Variants in SLC17A4 observed in about 807,000 individuals in gnomAD.
SLC17A4 encodes solute carrier family 17 member 4.
SLC17A4 carries 33 observed loss-of-function variants against 52.5 expected under a neutral mutation model. That is an observed-to-expected ratio of 0.63 (90% CI 0.48 to 0.84). The LOEUF (loss-of-function observed/expected upper bound fraction) is 0.84. Ranked by LOEUF, SLC17A4 falls within the 40% of genes least tolerant of loss-of-function variation. The pLI is 0.00. For missense variants in SLC17A4, 585 were observed against 597.1 expected (o/e 0.98, Z 0.21); for synonymous variants, 225 against 216.2 (o/e 1.04, Z -0.36).
chr6:25,771,727 G>A (rs1038127884), intron 6 of SLC17A4, among the ~76,000 whole-genome samples: 12 of 152,160 alleles, frequency 7.9e-5, no homozygotes, highest in African/African-American at 2.9e-4. Flanking sequence ...AGAAAATTGT[G>A]TGACTGTGAC....
At position 25,776,840 on chromosome 6, in the gene SLC17A4, G is replaced by T; in HGVS notation, c.1149G>T (p.Val383=). ...TTCTCTTCCCATCCGTGATCCTCGTGTCCCTGCCCTGGGTCAGATCCAGCC... is the reference window on the plus strand; with the variant it reads ...TTCTCTTCCCATCCGTGATCCTCGTTTCCCTGCCCTGGGTCAGATCCAGCC... ...IGVLFPSVIL[V]SLPWVRSSHS... Residue 383 remains valine (V), a synonymous_variant, in exon 10 of 12, where the codon GTG becomes GTT. Transcript: ENST00000377905. The T allele has an allele frequency of 6.2e-7, 1 of 1,613,982 alleles. No individual in the cohort carries two copies. The highest frequency in any genetic ancestry group is 8.5e-7 in the Non-Finnish European group (1 of 1,179,918).
intron 8 of SLC17A4, among the ~76,000 whole-genome samples, chr6:25,774,184 C>A (rs550397859): frequency 6.6e-6 from 1 of 152,198 alleles, no homozygotes; most frequent in South Asian, 2.1e-4. Flanking sequence ...TTTAAAAAAT[C>A]ATTTTTATTC....
chr6:25,766,669 C>T (rs1038881525), intron 2 of SLC17A4, among the ~76,000 whole-genome samples: 8 of 152,142 alleles, frequency 5.3e-5, no homozygotes, highest in African/African-American at 1.9e-4. Flanking sequence ...CATGGCCTTC[C>T]TCTCAAAAAC....
At chr6:25,778,956 T>A in intron 11 of SLC17A4, 98 bp from the exon 12 acceptor site, 1 of 1,496,370 alleles carries the variant, frequency 6.7e-7, no homozygotes, top group South Asian at 1.3e-5. Flanking sequence ...AGAGTGGAGG[T>A]CGGGGAGGGA....
In SLC17A4 at chr6:25,771,797, G is replaced by C. The variant is rs544731629; in HGVS notation, c.706+785G>C. On this transcript the variant is annotated intron_variant, in intron 6 of 11. Coordinates refer to ENST00000377905, the MANE Select transcript of SLC17A4 (RefSeq NM_005495.3). ...ATCAACTAGTGGAGACTGCAGGACA[G>C]GGCAGATTATGTGAGGTTCAGAAGT... Among the ~76,000 whole-genome samples, 187 of 152,220 alleles carry C rather than the reference G, an allele frequency of 1.2e-3. 2 individuals carry two copies. The highest frequency in any genetic ancestry group is 2.1e-3 in the Non-Finnish European group (141 of 68,008).
Position 25,779,165 on chromosome 6 carries a change from G to A in SLC17A4, c.1471G>A (p.Glu491Lys), listed in dbSNP as rs1763176693. ...GRADVQDWAK[E>K]QTFTHL Reference sequence around the variant, plus strand: ...AGCAGATGTGCAGGACTGGGCTAAAGAGCAGACATTCACCCACCTCTGAGC... The same window carrying A: ...AGCAGATGTGCAGGACTGGGCTAAAAAGCAGACATTCACCCACCTCTGAGC... The change falls in exon 12 of 12, where the codon GAG becomes AAG. Residue 491 changes from glutamate (E) to lysine (K), a missense_variant. Physicochemically the swap from Glu to Lys is moderately conservative, Grantham distance 56 (BLOSUM62 1). Transcript: ENST00000377905. 8.7e-6 allele frequency: 14 copies of A among 1,613,686 alleles called. 1 individual carries two copies. In the Middle Eastern group the frequency reaches 4.9e-4, roughly 57 times the overall value.
At chr6:25,763,629 G>A (rs1181680007) in intron 2 of SLC17A4, among the ~76,000 whole-genome samples, 1 of 152,012 alleles carries the variant, frequency 6.6e-6, no homozygotes, top group East Asian at 1.9e-4. Context: ...GCTGAATCCA[G>A]GGGTTCCATG....
At chr6:25,764,961 G>A (rs765416690) in intron 2 of SLC17A4, among the ~76,000 whole-genome samples, 8 of 152,154 alleles carry the variant, frequency 5.3e-5, no homozygotes, top group Non-Finnish European at 1.2e-4. Context: ...CCTTGAATTG[G>A]TGAAAGAATT....
At chr6:25,777,154 T>C (rs748169409) in intron 10 of SLC17A4, 195 bp downstream of exon 10, 51 of 614,000 alleles carry the variant, frequency 8.3e-5, no homozygotes, top group South Asian at 1.3e-4. Context: ...TTAGTTTTTC[T>C]GGGCGTGAAC....
intron 2 of SLC17A4, among the ~76,000 whole-genome samples, chr6:25,766,974 G>T (rs1483473210): frequency 6.6e-6 from 1 of 152,126 alleles, no homozygotes; most frequent in Admixed American, 6.5e-5. Context: ...GACTTTAGTA[G>T]TTAATAATAT....
chr6:25,758,126 T>A (rs1478007888), intron 1 of SLC17A4, among the ~76,000 whole-genome samples: 1 of 152,198 alleles, frequency 6.6e-6, no homozygotes, highest in Non-Finnish European at 1.5e-5. Context: ...CCTCATGCCC[T>A]TAGATTCTGA....
intron 11 of SLC17A4, 30 bp downstream of exon 11, chr6:25,778,046 T>TGATG: frequency 1.4e-5 from 22 of 1,573,358 alleles, no homozygotes; most frequent in Non-Finnish European, 1.7e-5. Context: ...TGAATATTCA[T>TGATG]AAAAGAAACC....
At chr6:25,772,683 T>C (rs1231856860) in intron 6 of SLC17A4, among the ~76,000 whole-genome samples, 1 of 152,148 alleles carries the variant, frequency 6.6e-6, no homozygotes, top group African/African-American at 2.4e-5. Flanking sequence ...CTTATGTGCT[T>C]TGAGGAAGAT....
At position 25,776,960 on chromosome 6, in the gene SLC17A4, G is replaced by A. The variant is rs1242202383; in HGVS notation, c.1268+1G>A. 1 of 1,608,736 alleles carries A rather than the reference G, an allele frequency of 6.2e-7. No homozygotes were observed. The highest frequency in any genetic ancestry group is 8.5e-7 in the Non-Finnish European group (1 of 1,176,986). Reference sequence around the variant, plus strand: ...TTAACTTCTTGGATATTGCTCCTCGGTAGGGACCTCTTTTGCCTCATCCTT... The same window carrying A: ...TTAACTTCTTGGATATTGCTCCTCGATAGGGACCTCTTTTGCCTCATCCTT... On this transcript the variant is annotated splice_donor_variant, in intron 10 of 11. Coordinates refer to ENST00000377905, the MANE Select transcript of SLC17A4 (RefSeq NM_005495.3). LOFTEE classifies it high-confidence loss of function.
At chr6:25,756,314 C>T (rs1761009281) in intron 1 of SLC17A4, among the ~76,000 whole-genome samples, 1 of 152,180 alleles carries the variant, frequency 6.6e-6, no homozygotes, top group Non-Finnish European at 1.5e-5. Context: ...TGGAATTGTT[C>T]TTGCTCAGCG....
chr6:25,771,019 G>A lies in SLC17A4; in HGVS notation c.706+7G>A. The A allele has an allele frequency of 6.2e-7, 1 of 1,611,268 alleles. No individual in the cohort carries two copies. Among genetic ancestry groups the A allele is most frequent in the Non-Finnish European group, 8.5e-7 (1 of 1,177,564 alleles). ...TACGTCTTCTATATCTTTGGTGAGT[G>A]TGCTTTTCAAATCTCCAATTTTTAT... On this transcript the variant is annotated splice_region_variant and intron_variant, in intron 6 of 11. Transcript: ENST00000377905.
chr6:25,773,847 G>C (rs1033751375), intron 8 of SLC17A4, among the ~76,000 whole-genome samples, 173 bp downstream of exon 8: 4 of 152,062 alleles, frequency 2.6e-5, no homozygotes, highest in African/African-American at 9.6e-5. Context: ...ATCTCAATGT[G>C]GTTCACTACT....
chr6:25,758,042 C>T (rs1410095852), intron 1 of SLC17A4, among the ~76,000 whole-genome samples: 1 of 152,212 alleles, frequency 6.6e-6, no homozygotes, highest in East Asian at 1.9e-4. Flanking sequence ...CCTCTGCTGC[C>T]GTGGGACGTA....
intron 1 of SLC17A4, among the ~76,000 whole-genome samples, chr6:25,755,159 T>C (rs1240418414): frequency 6.6e-6 from 1 of 152,094 alleles, no homozygotes; most frequent in Non-Finnish European, 1.5e-5. Flanking sequence ...ACATTAATTT[T>C]TTTAAGCATT....
Sources: gnomAD v4.1 joint callset for allele counts (sites outside exome capture counted in the v4.1 genomes callset) on GRCh38, gnomAD v4.1.1 for gene constraint, MANE v1.5 for transcripts, NCBI Gene and HGNC (gene_info 2026-07-23, HGNC 2026-07-21) for gene names.